PCDHA5: variants seen among roughly 807,000 people sequenced by gnomAD.
The protein encoded by PCDHA5 is protocadherin alpha-5.
Under a neutral mutation model 61.6 loss-of-function variants are expected in PCDHA5, and 43 were observed. The ratio of observed to expected loss-of-function variants is 0.70; its 90% confidence interval spans 0.55 to 0.90. The LOEUF (loss-of-function observed/expected upper bound fraction) is 0.90, where lower values mean the gene tolerates loss of function less well. Among genes scored for constraint, PCDHA5 ranks in the 40% least tolerant of loss-of-function variants. The pLI is 0.00. For synonymous variants in PCDHA5, 627 were observed against 543.9 expected, an observed-to-expected ratio of 1.15 and a Z score of -2.13; for missense variants, 1,298 against 1,222.7, an observed-to-expected ratio of 1.06 and a Z score of -0.92.
intron 1 of PCDHA5, among the ~76,000 whole-genome samples, chr5:140,934,327 T>C (rs1379362644): frequency 1.3e-5 from 2 of 152,152 alleles, no homozygotes; most frequent in African/African-American, 4.8e-5. Flanking sequence ...CAATCATGAA[T>C]GTAATAACCA....
intron 1 of PCDHA5, chr5:140,869,394 G>A (rs782128248): frequency 6.2e-7 from 1 of 1,614,078 alleles, no homozygotes; most frequent in Non-Finnish European, 8.5e-7. Flanking sequence ...AGCTGTGCGG[G>A]CAGAGCGCGG....
At chr5:140,900,199 G>C (rs1383731759) in intron 1 of PCDHA5, among the ~76,000 whole-genome samples, 1 of 152,172 alleles carries the variant, frequency 6.6e-6, no homozygotes, top group Non-Finnish European at 1.5e-5. Context: ...ATGACATCCA[G>C]TTTCATCCAG....
rs1023630665 is a variant in PCDHA5, at chr5:140,851,206, T to C, written c.2352+27079T>C. 1.3e-5 allele frequency: 15 copies of C among 1,183,670 alleles called. No homozygotes were observed. The African/African-American group carries it at 2.4e-4, about 19-fold the overall frequency. 73.3% of individuals were successfully genotyped at this position (1,183,670 alleles called of 1,614,324 possible). ...ACCAATTTAGTTGTTAGTCATTCAT[T>C]AAACATTAACATCACTATCATTTAT... On this transcript the variant is annotated intron_variant, in intron 1 of 3. Coordinates refer to ENST00000529859, the MANE Select transcript of PCDHA5 (RefSeq NM_018908.3).
chr5:140,869,748 A>G, intron 1 of PCDHA5: 1 of 1,613,334 alleles, frequency 6.2e-7, no homozygotes, highest in Admixed American at 1.7e-5. Flanking sequence ...TAACAGCTAC[A>G]GACGGGGGAA....
chr5:140,897,997 G>C (rs1174176296), intron 1 of PCDHA5, among the ~76,000 whole-genome samples: 1 of 152,168 alleles, frequency 6.6e-6, no homozygotes, highest in Non-Finnish European at 1.5e-5. Context: ...CTTTTGAGAA[G>C]TGTCTGTTCA....
At chr5:140,835,894 T>C in intron 1 of PCDHA5, 1 of 1,612,042 alleles carries the variant, frequency 6.2e-7, no homozygotes, top group Non-Finnish European at 8.5e-7. Context: ...GAGCGCGCGC[T>C]GTCGAGCTAC....
chr5:140,882,309 T>C (rs745321942), intron 1 of PCDHA5: 1 of 1,614,090 alleles, frequency 6.2e-7, no homozygotes, highest in Non-Finnish European at 8.5e-7. Flanking sequence ...CCGCGGCAAC[T>C]ACTGCTCTGG....
At chr5:140,882,457 G>A (rs781908788) in intron 1 of PCDHA5, 2 of 1,613,938 alleles carry the variant, frequency 1.2e-6, no homozygotes, top group East Asian at 2.2e-5. Flanking sequence ...TGCCGCGCCT[G>A]TTCCGGGTGG....
chr5:140,834,777 G>A (rs2150226372), intron 1 of PCDHA5: 1 of 1,613,920 alleles, frequency 6.2e-7, no homozygotes, highest in Admixed American at 1.7e-5. Flanking sequence ...CAACCCTCCG[G>A]TGTTCCCAGC....
At position 140,832,887 on chromosome 5, in the gene PCDHA5, G is replaced by C. The variant is rs118038864; in HGVS notation, c.2352+8760G>C. Among the ~76,000 whole-genome samples, 50 of 152,256 alleles carry C rather than the reference G, an allele frequency of 3.3e-4. No homozygotes were observed. The East Asian group carries it at 9.3e-3, about 28-fold the overall frequency. Reference sequence around the variant, plus strand: ...TGTTTTACTGGTTATAAAATGGAAAGAGTTTTCCCTGGGAGAATATGGAGA... The same window carrying C: ...TGTTTTACTGGTTATAAAATGGAAACAGTTTTCCCTGGGAGAATATGGAGA... On this transcript the variant is annotated intron_variant, in intron 1 of 3. Coordinates refer to ENST00000529859, the MANE Select transcript of PCDHA5 (RefSeq NM_018908.3).
At chr5:140,856,743 T>A in intron 1 of PCDHA5, 1 of 1,596,776 alleles carries the variant, frequency 6.3e-7, no homozygotes, top group Non-Finnish European at 8.6e-7. Flanking sequence ...ATCCTGGTGT[T>A]AGATGCCAAT....
intron 1 of PCDHA5, chr5:140,967,797 C>T: frequency 6.2e-7 from 1 of 1,614,184 alleles, no homozygotes; most frequent in East Asian, 2.2e-5. Flanking sequence ...GGTCCAGTGC[C>T]CATGGCAGGT....
At chr5:140,938,158 C>G (rs1308976624) in intron 1 of PCDHA5, among the ~76,000 whole-genome samples, 1 of 152,112 alleles carries the variant, frequency 6.6e-6, no homozygotes, top group African/African-American at 2.4e-5. Flanking sequence ...ATTGCCCAGG[C>G]TAGTCTGGAG....
In PCDHA5 at chr5:140,843,411, A is replaced by G. The variant is rs2150359358; in HGVS notation, c.2352+19284A>G. On this transcript the variant is annotated intron_variant, in intron 1 of 3. Transcript: ENST00000529859. The stretch of plus-strand genomic sequence containing the variant: ...CCGGAAGCGGCGCTGGTGGATGTCA[A>G]CGTGTACCTGATCATCGCCATCTGC... 2.5e-5 allele frequency: 40 copies of G among 1,596,006 alleles called. 6 individuals carry two copies. The highest frequency in any genetic ancestry group is 1.1e-4 in the African/African-American group (8 of 74,534).
intron 1 of PCDHA5, among the ~76,000 whole-genome samples, chr5:140,879,426 G>T (rs2057986144): frequency 6.6e-6 from 1 of 152,302 alleles, no homozygotes; most frequent in South Asian, 2.1e-4. Flanking sequence ...GAATGGAGAT[G>T]AACATTTAAG....
intron 1 of PCDHA5, among the ~76,000 whole-genome samples, chr5:140,941,284 TTCTCTTTC>T (rs1330714341): frequency 4.0e-5 from 5 of 124,574 alleles, no homozygotes; most frequent in African/African-American, 1.4e-4. Context: ...CTTCCTTCCT[TTCTCTTTC>T]TTTCTTTCTT....
At chr5:140,875,028 G>A (rs1321534427) in intron 1 of PCDHA5, among the ~76,000 whole-genome samples, 1 of 152,198 alleles carries the variant, frequency 6.6e-6, no homozygotes, top group Admixed American at 6.5e-5. Flanking sequence ...CTGGCCTACT[G>A]TATTTGAAAG....
chr5:140,899,995 A>G (rs1449060467), intron 1 of PCDHA5, among the ~76,000 whole-genome samples: 1 of 151,872 alleles, frequency 6.6e-6, no homozygotes, highest in Non-Finnish European at 1.5e-5. Context: ...TTTTTTGTAG[A>G]GATGAGGTCT....
intron 1 of PCDHA5, chr5:140,829,676 G>T (rs1770484799): frequency 2.5e-6 from 4 of 1,613,004 alleles, no homozygotes; most frequent in Admixed American, 1.7e-5. Context: ...CGAGGAGCTA[G>T]AGCTGCTGCA....
Sources: gnomAD v4.1 joint callset for allele counts (sites outside exome capture counted in the v4.1 genomes callset) on GRCh38, gnomAD v4.1.1 for gene constraint, MANE v1.5 for transcripts, NCBI Gene and HGNC (gene_info 2026-07-23, HGNC 2026-07-21) for gene names.